Variants in NKAIN2 observed in about 807,000 individuals in gnomAD.
NKAIN2 encodes the protein sodium/potassium transporting ATPase interacting 2.
In NKAIN2, 14 loss-of-function variants were observed where a neutral mutation model predicts 32.6. That is an observed-to-expected ratio of 0.43 (90% CI 0.28 to 0.67). NKAIN2 has a LOEUF of 0.67. NKAIN2 is among the 30% of genes least tolerant of loss of function. The pLI is 0.17. For missense variants in NKAIN2, 198 were observed against 258.3 expected (o/e 0.77, Z 1.60); for synonymous variants, 80 against 87.2 (o/e 0.92, Z 0.46).
intron 1 of NKAIN2, among the ~76,000 whole-genome samples, chr6:124,021,124 C>T (rs1380784904): frequency 1.3e-5 from 2 of 151,986 alleles, no homozygotes; most frequent in African/African-American, 4.8e-5. Context: ...AATCATCTGA[C>T]TCATAACAGT....
At chr6:124,281,402 G>T (rs1017500497) in intron 1 of NKAIN2, among the ~76,000 whole-genome samples, 1 of 152,086 alleles carries the variant, frequency 6.6e-6, no homozygotes, top group Admixed American at 6.6e-5. Flanking sequence ...TCTACAAAAC[G>T]TTAACTATAT....
chr6:124,002,231 C>T (rs936020607), intron 1 of NKAIN2, among the ~76,000 whole-genome samples: 2 of 151,986 alleles, frequency 1.3e-5, no homozygotes, highest in African/African-American at 4.8e-5. Context: ...ATATCTAATG[C>T]CTGGATATTA....
intron 4 of NKAIN2, among the ~76,000 whole-genome samples, chr6:124,769,633 G>A (rs540547234): frequency 2.2e-4 from 34 of 152,206 alleles, no homozygotes; most frequent in African/African-American, 9.6e-5. Flanking sequence ...GCACCTAAAC[G>A]ATACACTCCT....
At chr6:124,799,423 A>G (rs1780155520) in intron 5 of NKAIN2, among the ~76,000 whole-genome samples, 1 of 152,138 alleles carries the variant, frequency 6.6e-6, no homozygotes, top group Admixed American at 6.5e-5. Context: ...TTCTTTTCTA[A>G]TAATATCGCC....
At chr6:124,058,508 G>A (rs926305265) in intron 1 of NKAIN2, among the ~76,000 whole-genome samples, 1 of 151,932 alleles carries the variant, frequency 6.6e-6, no homozygotes, top group African/African-American at 2.4e-5. Flanking sequence ...TTTCTTCATT[G>A]CAAAACACAT....
intron 1 of NKAIN2, among the ~76,000 whole-genome samples, chr6:123,899,961 C>T (rs1025019726): frequency 2.0e-5 from 3 of 152,094 alleles, no homozygotes; most frequent in Admixed American, 2.0e-4. Context: ...AGCCAAGCAT[C>T]TCTCTCTGAC....
At chr6:124,068,697 A>G (rs924750841) in intron 1 of NKAIN2, among the ~76,000 whole-genome samples, 4 of 152,004 alleles carry the variant, frequency 2.6e-5, no homozygotes, top group Non-Finnish European at 5.9e-5. Flanking sequence ...AGCCTAAGAA[A>G]AATGTTCTAC....
chr6:123,805,121 A>G (rs574533362), intron 1 of NKAIN2, among the ~76,000 whole-genome samples: 1 of 152,308 alleles, frequency 6.6e-6, no homozygotes, highest in Non-Finnish European at 1.5e-5. Context: ...TAGAGAGTTG[A>G]GAGGTGAAAA....
chr6:124,366,923 G>A (rs1299339199), intron 3 of NKAIN2, among the ~76,000 whole-genome samples: 3 of 110,326 alleles, frequency 2.7e-5, no homozygotes, highest in Admixed American at 9.4e-5. Flanking sequence ...GTGAGACCCT[G>A]TCTCGAAAAA....
intron 1 of NKAIN2, among the ~76,000 whole-genome samples, chr6:124,276,513 G>A (rs557800974): frequency 2.2e-4 from 33 of 151,854 alleles, no homozygotes; most frequent in Middle Eastern, 3.4e-3. Flanking sequence ...ATGTGAATCC[G>A]ATCTCTTGGT....
chr6:124,445,494 C>CA lies in NKAIN2; in HGVS notation c.273+90155dup, dbSNP rs984982245. On this transcript the variant is annotated intron_variant, in intron 3 of 6. Transcript: ENST00000368417. ...TTAATATTTGATTTCCTCTGGAAGA[C>CA]AAAAAAAATTCAAAATAATCAATAA... Among the ~76,000 whole-genome samples the CA allele has an allele frequency of 2.6e-4, 40 of 151,580 alleles. 1 individual carries two copies. In the East Asian group the frequency reaches 5.6e-3, roughly 21 times the overall value.
chr6:124,523,675 G>C (rs1281653736), intron 3 of NKAIN2, among the ~76,000 whole-genome samples: 3 of 152,038 alleles, frequency 2.0e-5, no homozygotes, highest in Admixed American at 2.0e-4. Flanking sequence ...TGTAGAGAGG[G>C]GAAACTATGC....
chr6:124,801,965 G>A (rs572066119), intron 5 of NKAIN2, among the ~76,000 whole-genome samples: 2 of 152,124 alleles, frequency 1.3e-5, no homozygotes, highest in South Asian at 4.1e-4. Context: ...ACTCGATATA[G>A]GAAATCTAGT....
intron 4 of NKAIN2, among the ~76,000 whole-genome samples, chr6:124,690,245 CT>C (rs933603634): frequency 2.0e-5 from 3 of 151,968 alleles, no homozygotes; most frequent in Admixed American, 2.0e-4. Flanking sequence ...TCAAATTTTA[CT>C]TGTTAATTGC....
chr6:123,938,497 TTA>T (rs1392312686), intron 1 of NKAIN2, among the ~76,000 whole-genome samples: 3 of 129,196 alleles, frequency 2.3e-5, no homozygotes, highest in African/African-American at 8.4e-5. Flanking sequence ...TAATATATAT[TTA>T]TATATAATAT....
intron 2 of NKAIN2, among the ~76,000 whole-genome samples, chr6:124,350,862 G>A (rs1046924090): frequency 6.6e-6 from 1 of 152,200 alleles, no homozygotes; most frequent in Non-Finnish European, 1.5e-5. Flanking sequence ...GGTGGCACAT[G>A]CCTGTAGTCC....
At chr6:124,087,375 G>T (rs1461844330) in intron 1 of NKAIN2, among the ~76,000 whole-genome samples, 1 of 151,836 alleles carries the variant, frequency 6.6e-6, no homozygotes, top group East Asian at 1.9e-4. Flanking sequence ...AGGCAAGGAT[G>T]TCCTCTCTCA....
At chr6:124,821,948 G>T (rs1312474573) in intron 6 of NKAIN2, among the ~76,000 whole-genome samples, 1 of 152,134 alleles carries the variant, frequency 6.6e-6, no homozygotes, top group African/African-American at 2.4e-5. Context: ...GGGTTTTCCT[G>T]ACCCCTTCAG....
At chr6:123,937,070 C>G (rs9482488) in intron 1 of NKAIN2, among the ~76,000 whole-genome samples, 3,820 of 152,130 alleles carry the variant, frequency 0.025, 143 homozygotes, top group African/African-American at 0.085. Flanking sequence ...AATCTAGGAG[C>G]AGCAAACCAC....
Sources: gnomAD v4.1 joint callset for allele counts (sites outside exome capture counted in the v4.1 genomes callset) on GRCh38, gnomAD v4.1.1 for gene constraint, MANE v1.5 for transcripts, NCBI Gene and HGNC (gene_info 2026-07-23, HGNC 2026-07-21) for gene names.